Variants in PTPRK observed in about 807,000 individuals in gnomAD.
The protein encoded by PTPRK is receptor-type tyrosine-protein phosphatase kappa.
A neutral mutation model predicts 178.0 loss-of-function variants in PTPRK; 75 were observed. The observed-to-expected ratio is 0.42, with a 90% CI of 0.35 to 0.51. The LOEUF (loss-of-function observed/expected upper bound fraction) is 0.51. Ranked by LOEUF, PTPRK falls within the 20% of genes least tolerant of loss-of-function variation. PTPRK has a pLI of 0.02. For missense variants in PTPRK, 1,441 were observed against 1,797.8 expected (o/e 0.80, Z 3.59); for synonymous variants, 637 against 620.6 (o/e 1.03, Z -0.39).
chr6:128,444,004 C>A (rs1846624865), intron 1 of PTPRK, among the ~76,000 whole-genome samples: 1 of 152,114 alleles, frequency 6.6e-6, no homozygotes, highest in African/African-American at 2.4e-5. Flanking sequence ...AGGCACGTGC[C>A]ACCACACCTG....
intron 13 of PTPRK, among the ~76,000 whole-genome samples, chr6:128,021,587 C>T (rs1056791362): frequency 6.6e-5 from 10 of 152,164 alleles, no homozygotes; most frequent in Non-Finnish European, 1.0e-4. Flanking sequence ...TTGCAGTGAG[C>T]GGAGATTGTG....
intron 7 of PTPRK, among the ~76,000 whole-genome samples, chr6:128,152,938 G>T (rs1053536690): frequency 6.6e-6 from 1 of 151,828 alleles, no homozygotes; most frequent in Non-Finnish European, 1.5e-5. Context: ...TGCCTGGAAG[G>T]GTCTGGAACT....
chr6:128,395,215 A>T (rs1300667685), intron 2 of PTPRK, among the ~76,000 whole-genome samples: 1 of 152,226 alleles, frequency 6.6e-6, no homozygotes, highest in Admixed American at 6.5e-5. Flanking sequence ...GATGACTAAA[A>T]GAATAACATA....
At chr6:128,418,652 G>A (rs1480019048) in intron 1 of PTPRK, among the ~76,000 whole-genome samples, 1 of 152,084 alleles carries the variant, frequency 6.6e-6, no homozygotes, top group Non-Finnish European at 1.5e-5. Context: ...TGCCAGAAAG[G>A]TTGTGAACCA....
intron 2 of PTPRK, among the ~76,000 whole-genome samples, chr6:128,372,862 C>T (rs1460892244): frequency 6.6e-6 from 1 of 151,782 alleles, no homozygotes; most frequent in Non-Finnish European, 1.5e-5. Context: ...CTATAGCCTG[C>T]CAAATTTTGA....
At chr6:128,279,558 C>G (rs906002336) in intron 3 of PTPRK, among the ~76,000 whole-genome samples, 1 of 152,148 alleles carries the variant, frequency 6.6e-6, no homozygotes, top group Admixed American at 6.6e-5. Flanking sequence ...GACATATACT[C>G]CAGACGTTAA....
rs563222847 is a variant in PTPRK at position 128,229,767 on chromosome 6, G to A, written c.693+10268C>T. ...CTCCATTAAATATATTTAAATCCAT[G>A]AGTGTATAATGATATTAAAAGAAAA... On this transcript the variant is annotated intron_variant, in intron 5 of 29. Coordinates refer to ENST00000368226, the MANE Select transcript of PTPRK (RefSeq NM_002844.4). Among the ~76,000 whole-genome samples the A allele has an allele frequency of 9.2e-5, 14 of 152,236 alleles. No individual in the cohort carries two copies. In the East Asian group the frequency reaches 2.3e-3, roughly 25 times the overall value.
At chr6:128,245,113 C>T (rs772190922) in intron 3 of PTPRK, among the ~76,000 whole-genome samples, 1 of 152,116 alleles carries the variant, frequency 6.6e-6, no homozygotes, top group Non-Finnish European at 1.5e-5. Flanking sequence ...ATCCTCATTA[C>T]AATCACACGA....
rs1562515614 is a variant in PTPRK at position 128,435,098 on chromosome 6, AAGGAAGGAAGGCAGGAAGGCAGGC to A, written c.101-37434_101-37411del. On this transcript the variant is annotated intron_variant, in intron 1 of 29. Transcript: ENST00000368226. The stretch of plus-strand genomic sequence containing the variant: ...GAAGGAAGGAAGGAAGGAAGGAAGG[AAGGAAGGAAGGCAGGAAGGCAGGC>A]AGGAAGGCAGGCAGGCAGGCAGGCA... Among the ~76,000 whole-genome samples the A allele has an allele frequency of 4.5e-3, 345 of 76,894 alleles. 7 individuals are homozygous for A. Among genetic ancestry groups the A allele is most frequent in the African/African-American group, 0.018 (292 of 16,634 alleles). 50.4% of individuals were successfully genotyped at this position (76,894 alleles called of 152,430 possible).
chr6:128,397,935 T>C (rs1840536108), intron 1 of PTPRK, among the ~76,000 whole-genome samples: 1 of 152,180 alleles, frequency 6.6e-6, no homozygotes, highest in Non-Finnish European at 1.5e-5. Flanking sequence ...TTTTGAATTA[T>C]TAAAAATAAT....
At chr6:128,157,193 G>C (rs1562693029) in intron 7 of PTPRK, among the ~76,000 whole-genome samples, 1 of 151,926 alleles carries the variant, frequency 6.6e-6, no homozygotes, top group Admixed American at 6.6e-5. Flanking sequence ...CTCCACTAGA[G>C]AATTAATAAG....
At chr6:128,226,771 TA>T (rs1342912157) in intron 5 of PTPRK, among the ~76,000 whole-genome samples, 4 of 122,600 alleles carry the variant, frequency 3.3e-5, no homozygotes, top group African/African-American at 1.6e-4. Flanking sequence ...CATATATATA[TA>T]TATATATATA....
intron 3 of PTPRK, among the ~76,000 whole-genome samples, chr6:128,278,566 T>C (rs990319644): frequency 7.2e-5 from 11 of 152,184 alleles, no homozygotes; most frequent in African/African-American, 2.7e-4. Flanking sequence ...AATGTCACTT[T>C]ATGACTAGTC....
intron 6 of PTPRK, among the ~76,000 whole-genome samples, chr6:128,214,367 A>ATAGT (rs1259462976): frequency 6.6e-6 from 1 of 152,026 alleles, no homozygotes; most frequent in Non-Finnish European, 1.5e-5. Context: ...CCATATTCCA[A>ATAGT]ACTCTGTATG....
chr6:128,426,013 A>G (rs1167351259), intron 1 of PTPRK, among the ~76,000 whole-genome samples: 1 of 152,218 alleles, frequency 6.6e-6, no homozygotes, highest in Non-Finnish European at 1.5e-5. Flanking sequence ...AAAAATTTCC[A>G]GGAGGCAGAT....
At chr6:128,489,111 T>C (rs1853396697) in intron 1 of PTPRK, among the ~76,000 whole-genome samples, 2 of 152,206 alleles carry the variant, frequency 1.3e-5, no homozygotes, top group Admixed American at 1.3e-4. Flanking sequence ...GATTCTCTAG[T>C]ACACTTTCCA....
At chr6:128,193,965 C>T (rs1420956001) in intron 6 of PTPRK, among the ~76,000 whole-genome samples, 1 of 151,338 alleles carries the variant, frequency 6.6e-6, no homozygotes, top group African/African-American at 2.4e-5. Flanking sequence ...TATAGGGAAA[C>T]TAAAAAGTAG....
intron 7 of PTPRK, among the ~76,000 whole-genome samples, chr6:128,169,286 C>A (rs1040748011): frequency 6.6e-6 from 1 of 151,918 alleles, no homozygotes; most frequent in African/African-American, 2.4e-5. Flanking sequence ...ATTATTTCAG[C>A]ATCTACATGT....
At chr6:128,414,943 A>T (rs1030820420) in intron 1 of PTPRK, among the ~76,000 whole-genome samples, 1 of 152,202 alleles carries the variant, frequency 6.6e-6, no homozygotes, top group Non-Finnish European at 1.5e-5. Context: ...TTCTCATTTT[A>T]CACCTCAGAA....
Sources: gnomAD v4.1 joint callset for allele counts (sites outside exome capture counted in the v4.1 genomes callset) on GRCh38, gnomAD v4.1.1 for gene constraint, MANE v1.5 for transcripts, NCBI Gene and HGNC (gene_info 2026-07-23, HGNC 2026-07-21) for gene names.